KCNC2: variants seen among roughly 807,000 people sequenced by gnomAD.
KCNC2 encodes the protein voltage-gated potassium channel KCNC2.
In KCNC2, 21 loss-of-function variants were observed where a neutral mutation model predicts 44.5. The ratio of observed to expected loss-of-function variants is 0.47; its 90% CI spans 0.33 to 0.68. KCNC2 has a LOEUF of 0.68. Ranked by LOEUF, KCNC2 falls within the 30% of genes least tolerant of loss-of-function variation. The pLI, the probability that KCNC2 is intolerant of heterozygous loss-of-function variation, is 0.01. For synonymous variants in KCNC2, 391 were observed against 339.1 expected, an observed-to-expected ratio of 1.15 and a Z score of -1.68; for missense variants, 589 against 826.2, an observed-to-expected ratio of 0.71 and a Z score of 3.52.
chr12:75,134,956 AT>A (rs1438754306), intron 2 of KCNC2, among the ~76,000 whole-genome samples: 12 of 151,974 alleles, frequency 7.9e-5, no homozygotes, highest in Non-Finnish European at 2.9e-5. Context: ...TATAATTATA[AT>A]TACACTCACA....
At chr12:75,093,443 C>T (rs1885660764) in intron 2 of KCNC2, among the ~76,000 whole-genome samples, 1 of 151,594 alleles carries the variant, frequency 6.6e-6, no homozygotes, top group Non-Finnish European at 1.5e-5. Flanking sequence ...CAACATCCCT[C>T]CTTGTTGAAA....
chr12:75,064,628 C>A (rs887228433), intron 2 of KCNC2, among the ~76,000 whole-genome samples: 9 of 152,060 alleles, frequency 5.9e-5, no homozygotes, highest in African/African-American at 2.2e-4. Flanking sequence ...AGTTTCTTCC[C>A]ACTTAACTTT....
intron 2 of KCNC2, among the ~76,000 whole-genome samples, chr12:75,122,994 A>G (rs922526965): frequency 6.6e-6 from 1 of 152,150 alleles, no homozygotes; most frequent in Admixed American, 6.5e-5. Flanking sequence ...GTGAAATAAA[A>G]TCTGTATCTA....
At chr12:75,051,721 C>T (rs971084559) in intron 2 of KCNC2, among the ~76,000 whole-genome samples, 1 of 151,900 alleles carries the variant, frequency 6.6e-6, no homozygotes, top group African/African-American at 2.4e-5. Flanking sequence ...AGTTTTAAAC[C>T]TTTAAATTTA....
chr12:75,156,789 T>C (rs1890789418), intron 2 of KCNC2, among the ~76,000 whole-genome samples: 1 of 151,996 alleles, frequency 6.6e-6, no homozygotes, highest in East Asian at 1.9e-4. Flanking sequence ...TATAATATGT[T>C]TTGGGCTCCA....
In KCNC2 at chr12:75,207,200, C is replaced by A; in HGVS notation, c.687+97G>T. 6.8e-7 allele frequency: 1 copy of A among 1,476,756 alleles called. No individual in the cohort carries two copies. The highest frequency in any genetic ancestry group is 9.0e-7 in the Non-Finnish European group (1 of 1,115,132). The allele number at this position is 1,476,756 out of a possible 1,614,324, so 91.5% of individuals were successfully genotyped here. ...TAGGAAATCCCGGGTCTCTTCTACC[C>A]CCCATGCCTGAGGCCCTGGGGTGGA... On this transcript the variant is annotated intron_variant, in intron 2 of 4. Coordinates refer to ENST00000549446, the MANE Select transcript of KCNC2 (RefSeq NM_139137.4). The surrounding 1 kb of genome is among the most constrained non-coding windows in gnomAD (Gnocchi z 4.1).
chr12:75,196,422 A>G (rs1363299962), intron 2 of KCNC2, among the ~76,000 whole-genome samples: 1 of 152,118 alleles, frequency 6.6e-6, no homozygotes, highest in African/African-American at 2.4e-5. Context: ...GTAGGCTACT[A>G]TAAACGCCTC....
intron 2 of KCNC2, among the ~76,000 whole-genome samples, chr12:75,181,418 G>T (rs1480656099): frequency 6.6e-6 from 1 of 152,026 alleles, no homozygotes; most frequent in East Asian, 1.9e-4. Context: ...AAGCAATATT[G>T]CAGAGTAGCA....
intron 1 of KCNC2, 46 bp from the exon 2 acceptor site, chr12:75,208,048 A>T: frequency 6.3e-7 from 1 of 1,598,948 alleles, no homozygotes; most frequent in Non-Finnish European, 8.5e-7. Context: ...CTTAGCCGTC[A>T]AAGACACACC....
At chr12:75,200,229 A>G (rs532364373) in intron 2 of KCNC2, among the ~76,000 whole-genome samples, 263 of 151,964 alleles carry the variant, frequency 1.7e-3, no homozygotes, top group African/African-American at 6.0e-3. Context: ...ATCAAAATTG[A>G]ACAGAATGAA....
At chr12:75,076,242 A>G (rs12371801) in intron 2 of KCNC2, among the ~76,000 whole-genome samples, 62,583 of 151,968 alleles carry the variant, frequency 0.41, 16,086 homozygotes, top group Non-Finnish European at 0.58. Flanking sequence ...GAACAGTGCC[A>G]GAACATCTTT....
intron 2 of KCNC2, chr12:75,140,115 T>C (rs182402500): frequency 1.4e-4 from 21 of 152,366 alleles, no homozygotes; most frequent in African/African-American, 5.0e-4. Flanking sequence ...GAGAGGGATC[T>C]ACTGGGCTTG....
chr12:75,190,449 G>T (rs2030090655), intron 2 of KCNC2, among the ~76,000 whole-genome samples: 1 of 152,132 alleles, frequency 6.6e-6, no homozygotes, highest in Non-Finnish European at 1.5e-5. Flanking sequence ...TTTCCTTGGG[G>T]CCTTTCCAGA....
chr12:75,194,397 C>G lies in KCNC2; in HGVS notation c.687+12900G>C, dbSNP rs148013043. ...GAATTGCAACCACCAGAAGCTAGCA[C>G]TGAGTCATGAAACAGATTATCTTTT... is the stretch of plus-strand genomic sequence containing the variant. On this transcript the variant is annotated intron_variant, in intron 2 of 4. Transcript: ENST00000549446. Among the ~76,000 whole-genome samples, 565 of 152,242 alleles carry G rather than the reference C, an allele frequency of 3.7e-3. 1 individual carries two copies. Among genetic ancestry groups the G allele is most frequent in the African/African-American group, 0.013 (531 of 41,562 alleles).
chr12:75,093,286 G>A (rs1236739744), intron 2 of KCNC2, among the ~76,000 whole-genome samples: 1 of 151,438 alleles, frequency 6.6e-6, no homozygotes, highest in South Asian at 2.1e-4. Flanking sequence ...AATGGTCTTA[G>A]TAATGTCAAC....
intron 2 of KCNC2, among the ~76,000 whole-genome samples, chr12:75,198,277 A>G (rs1014114827): frequency 5.9e-5 from 9 of 151,896 alleles, no homozygotes; most frequent in African/African-American, 2.2e-4. Flanking sequence ...AAAGTTGCTC[A>G]ACTTTGACGC....
intron 2 of KCNC2, among the ~76,000 whole-genome samples, chr12:75,066,471 G>T (rs867134907): frequency 6.6e-6 from 1 of 151,982 alleles, no homozygotes; most frequent in Non-Finnish European, 1.5e-5. Context: ...AAAATCATTT[G>T]CTTTTAAAAA....
chr12:75,068,731 G>C (rs1338960790), intron 2 of KCNC2, among the ~76,000 whole-genome samples: 1 of 149,008 alleles, frequency 6.7e-6, no homozygotes. Context: ...CTTAAAATAG[G>C]TCTTTGGGTT....
At chr12:75,201,364 G>A (rs1159351505) in intron 2 of KCNC2, among the ~76,000 whole-genome samples, 1 of 141,286 alleles carries the variant, frequency 7.1e-6, no homozygotes, top group East Asian at 2.2e-4. Flanking sequence ...GCATGAACAT[G>A]TCGTCCCTTC....
Sources: gnomAD v4.1 joint callset for allele counts (sites outside exome capture counted in the v4.1 genomes callset) on GRCh38, gnomAD v4.1.1 for gene constraint, Gnocchi (gnomAD v3.1) non-coding constraint, MANE v1.5 for transcripts, NCBI Gene and HGNC (gene_info 2026-07-23, HGNC 2026-07-21) for gene names.